The following NKD2 variants were observed in gnomAD, a reference collection of about 807,000 sequenced individuals.
NKD2 encodes the protein NKD inhibitor of Wnt signaling pathway 2.
A neutral mutation model predicts 34.8 loss-of-function variants in NKD2; 43 were observed. That is an observed-to-expected ratio of 1.24 (90% confidence interval 0.97 to 1.60). The LOEUF is 1.60. Among genes scored for constraint, NKD2 ranks in the 40% most tolerant of loss-of-function variants. NKD2 has a pLI of 0.00. For missense variants in NKD2, 675 were observed against 627.1 expected (o/e 1.08, Z -0.82); for synonymous variants, 278 against 265.1 (o/e 1.05, Z -0.47).
chr5:1,026,202 C>T lies in NKD2; in HGVS notation c.142-5950C>T, dbSNP rs878995073. Among the ~76,000 whole-genome samples the T allele has an allele frequency of 9.8e-4, 25 of 25,564 alleles. 1 individual carries two copies. Among genetic ancestry groups the T allele is most frequent in the Admixed American group, 3.7e-3 (6 of 1,634 alleles). The allele number at this position is 25,564 out of a possible 152,430, so 16.8% of individuals were successfully genotyped here. ...CCCTGCTCTTCCCACCCTCTGTGGG[C>T]GTCTCAGCCCATTGTCCCTGCTCTT... is the stretch of plus-strand genomic sequence containing the variant. On this transcript the variant is annotated intron_variant, in intron 3 of 9. Transcript: ENST00000296849.
intron 3 of NKD2, among the ~76,000 whole-genome samples, chr5:1,015,922 G>T (rs1755931880): frequency 6.6e-6 from 1 of 152,200 alleles, no homozygotes; most frequent in Non-Finnish European, 1.5e-5. Flanking sequence ...AGTTCCAAGG[G>T]CTCCAGAGCT....
At chr5:1,030,783 A>AT (rs1404134054) in intron 3 of NKD2, among the ~76,000 whole-genome samples, 1 of 152,172 alleles carries the variant, frequency 6.6e-6, no homozygotes, top group African/African-American at 2.4e-5. Context: ...TTTGTTTCTT[A>AT]TTAAAATGAG....
At chr5:1,011,685 C>T (rs1009956075) in intron 3 of NKD2, among the ~76,000 whole-genome samples, 5 of 152,324 alleles carry the variant, frequency 3.3e-5, no homozygotes, top group South Asian at 2.1e-4. Flanking sequence ...CCAAGACCTC[C>T]GACCTACCCT....
chr5:1,030,396 G>A (rs941305070), intron 3 of NKD2, among the ~76,000 whole-genome samples: 2 of 152,190 alleles, frequency 1.3e-5, no homozygotes, highest in African/African-American at 4.8e-5. Flanking sequence ...GCACCTGCAC[G>A]AGTCCACCTG....
At chr5:1,035,949 G>A (rs1034743498) in intron 8 of NKD2, 574 of 411,704 alleles carry the variant, frequency 1.4e-3, no homozygotes, top group Admixed American at 1.9e-3. Context: ...TGTGGCTGGC[G>A]CAGTGGCTAC....
chr5:1,037,996 G>T lies in NKD2; in HGVS notation c.979G>T (p.Glu327Ter). Residue 327 changes from glutamate (E) to a stop codon, truncating the protein, a stop_gained, in exon 10 of 10, where the codon GAG (glutamate) becomes TAG (stop). Transcript: ENST00000296849. LOFTEE classifies it low-confidence loss of function (END_TRUNC). ...LDTQPRPKGP[E>*]KQFLKSPKGS... is the part of the protein sequence containing the mutation. ...CACGCAGCCCCGGCCGAAGGGGCCG[G>T]AGAAGCAGTTCCTCAAGTCCCCCAA... 6.2e-7 allele frequency: 1 copy of T among 1,607,304 alleles called. No individual in the cohort carries two copies.
At chr5:1,032,930 G>A (rs988424918) in intron 4 of NKD2, among the ~76,000 whole-genome samples, 4 of 152,250 alleles carry the variant, frequency 2.6e-5, no homozygotes, top group East Asian at 1.9e-4. Context: ...CAGAGGCTGC[G>A]GGGAGGGGGC....
chr5:1,026,547 C>T (rs1424891242), intron 3 of NKD2, among the ~76,000 whole-genome samples: 1 of 65,420 alleles, frequency 1.5e-5, no homozygotes, highest in African/African-American at 3.9e-5. Context: ...AGCCCATTGT[C>T]CCTGCTCTTC....
chr5:1,009,599 C>G lies in NKD2; in HGVS notation c.141+39C>G, dbSNP rs942831153. ...CGGAGGCTGGGGTCGCGCTGCGCAC[C>G]CGCCCGGGGGCGGGGAGCGGTGTCA... On this transcript the variant is annotated intron_variant, in intron 3 of 9. Coordinates refer to ENST00000296849, the MANE Select transcript of NKD2 (RefSeq NM_033120.4). The surrounding 1 kb of genome is among the most constrained non-coding windows in gnomAD (Gnocchi z 6.9). 7.2e-7 allele frequency: 1 copy of G among 1,393,084 alleles called. No homozygotes were observed. Among genetic ancestry groups the G allele is most frequent in the Admixed American group, 3.5e-5 (1 of 28,518 alleles). 86.3% of individuals were successfully genotyped at this position (1,393,084 alleles called of 1,614,324 possible).
chr5:1,021,345 C>A (rs1157826771), intron 3 of NKD2, among the ~76,000 whole-genome samples: 3 of 139,076 alleles, frequency 2.2e-5, no homozygotes, highest in Non-Finnish European at 4.7e-5. Context: ...TTGCTCCTCC[C>A]GCTGACCCGG....
Position 1,009,056 on chromosome 5 carries a change from C to T in NKD2, c.-2C>T, listed in dbSNP as rs1249196106. On this transcript the variant is annotated 5_prime_UTR_variant, in exon 1 of 10. Transcript: ENST00000296849. The surrounding 1 kb of genome is among the most constrained non-coding windows in gnomAD (Gnocchi z 6.9). ...GGGGCCCGGCGGGGCGTGGCGGCGG[C>T]GATGGGGAAACTGCAGTCGAAGCAC... 1.1e-5 allele frequency: 4 copies of T among 364,934 alleles called. No homozygotes were observed. Among genetic ancestry groups the T allele is most frequent in the Non-Finnish European group, 1.9e-5 (4 of 210,980 alleles). The allele number at this position is 364,934 out of a possible 1,614,324, so 22.6% of individuals were successfully genotyped here.
At position 1,009,285 on chromosome 5, in the gene NKD2, G is replaced by C. The variant is rs972793918; in HGVS notation, c.61+71G>C. Reference sequence around the variant, plus strand: ...CCGGGACCCTCAGAGCTAGGAGCCCGCGCGCGTCCTGCCCTGGAGCCAGCA... The same window carrying C: ...CCGGGACCCTCAGAGCTAGGAGCCCCCGCGCGTCCTGCCCTGGAGCCAGCA... On this transcript the variant is annotated intron_variant, in intron 2 of 9. Transcript: ENST00000296849. The surrounding 1 kb of genome is among the most constrained non-coding windows in gnomAD (Gnocchi z 6.9). 2 of 486,038 alleles carry C rather than the reference G, an allele frequency of 4.1e-6. No individual in the cohort carries two copies. Among genetic ancestry groups the C allele is most frequent in the Non-Finnish European group, 7.1e-6 (2 of 280,336 alleles). 30.1% of individuals were successfully genotyped at this position (486,038 alleles called of 1,614,324 possible).
chr5:1,036,517 A>ACC, intron 9 of NKD2, 133 bp downstream of exon 9: 1 of 308,498 alleles, frequency 3.2e-6, no homozygotes, highest in Non-Finnish European at 4.9e-6. Context: ...CCCCCACCCC[A>ACC]CCCCACCCAG....
chr5:1,010,008 C>T (rs1755688857), intron 3 of NKD2, among the ~76,000 whole-genome samples: 1 of 152,168 alleles, frequency 6.6e-6, no homozygotes, highest in Non-Finnish European at 1.5e-5. Flanking sequence ...GCTCAATCAG[C>T]AAACATGGCC....
chr5:1,009,344 C>G lies in NKD2; in HGVS notation c.61+130C>G. 3.2e-6 allele frequency: 2 copies of G among 616,340 alleles called. No homozygotes were observed. The highest frequency in any genetic ancestry group is 5.2e-6 in the Non-Finnish European group (2 of 386,808). The allele number at this position is 616,340 out of a possible 1,614,324, so 38.2% of individuals were successfully genotyped here. A position where few individuals can be genotyped will look rare whatever the true frequency, so the allele number is the denominator to read the frequency against. On this transcript the variant is annotated intron_variant, in intron 2 of 9. Coordinates refer to ENST00000296849, the MANE Select transcript of NKD2 (RefSeq NM_033120.4). The surrounding 1 kb of genome is among the most constrained non-coding windows in gnomAD (Gnocchi z 6.9). ...ACGGGGCCGCGGGTCTCCAGGAGCG[C>G]GCGGGACCCCCACGCCTGCCCCTGC...
rs150082569 is a variant in NKD2 at position 1,034,764 on chromosome 5, C to T, written c.435C>T (p.Ser145=). ...CTGATGCCGGGCCCCAGGACATGTC[C>T]AGCCTCATGCACACCATCTATGAGG... The part of the protein sequence containing the change: ...NCGKVTREDM[S]SLMHTIYEVV... The change falls in exon 7 of 10, where the codon TCC becomes TCT. Residue 145 remains serine (S), a synonymous_variant. Transcript: ENST00000296849. The T allele has an allele frequency of 9.7e-4, 1,560 of 1,612,206 alleles. 26 individuals carry two copies. In the East Asian group the frequency reaches 0.029, roughly 30 times the overall value.
In NKD2 at chr5:1,036,129, C is replaced by T. The variant is rs1476088819; in HGVS notation, c.660-128C>T. 5.1e-6 allele frequency: 7 copies of T among 1,368,460 alleles called. No individual in the cohort carries two copies. The African/African-American group carries it at 7.4e-5, about 14-fold the overall frequency. 84.8% of individuals were successfully genotyped at this position (1,368,460 alleles called of 1,614,324 possible). A position where few individuals can be genotyped will look rare whatever the true frequency, so the allele number is the denominator to read the frequency against. The stretch of plus-strand genomic sequence containing the variant: ...GCCCAGGCGTCCACTCTCCTTCCTG[C>T]TCTGCGAGGAGGTGGGTGCTGGTCA... On this transcript the variant is annotated intron_variant, in intron 8 of 9. Transcript: ENST00000296849.
intron 3 of NKD2, among the ~76,000 whole-genome samples, chr5:1,018,535 G>GTT (rs1756047756): frequency 6.6e-6 from 1 of 152,162 alleles, no homozygotes; most frequent in South Asian, 2.1e-4. Context: ...GCTCACGTGT[G>GTT]TTGGGGGGAG....
At chr5:1,014,814 A>G (rs1755884109) in intron 3 of NKD2, among the ~76,000 whole-genome samples, 1 of 152,218 alleles carries the variant, frequency 6.6e-6, no homozygotes, top group Non-Finnish European at 1.5e-5. Context: ...GCTGTGAATG[A>G]AGTCCTAGTC....
Sources: allele counts gnomAD v4.1 joint callset (sites outside exome capture counted in the v4.1 genomes callset), GRCh38; gene constraint gnomAD v4.1.1; non-coding constraint Gnocchi (gnomAD v3.1); transcripts MANE v1.5; gene names NCBI Gene and HGNC (gene_info 2026-07-23, HGNC 2026-07-21).